Variants in E2F4 observed in about 807,000 individuals in gnomAD.
E2F4 encodes the protein transcription factor E2F4.
A neutral mutation model predicts 44.5 loss-of-function variants in E2F4; 16 were observed. That is an observed-to-expected ratio of 0.36 (90% CI 0.24 to 0.55). The LOEUF is 0.55. Among genes scored for constraint, E2F4 ranks in the 20% least tolerant of loss-of-function variants. The pLI is 0.87. For synonymous variants in E2F4, 242 were observed against 207.2 expected, an observed-to-expected ratio of 1.17 and a Z score of -1.44; for missense variants, 473 against 522.1, an observed-to-expected ratio of 0.91 and a Z score of 0.92.
chr16:67,192,430 C>CG, intron 1 of E2F4, 68 bp downstream of exon 1: 1 of 1,395,758 alleles, frequency 7.2e-7, no homozygotes. Context: ...GCGGGAACCC[C>CG]GGGGGCGGCC....
intron 3 of E2F4, 94 bp from the exon 4 acceptor site, chr16:67,193,378 C>T: frequency 6.5e-7 from 1 of 1,540,786 alleles, no homozygotes; most frequent in Non-Finnish European, 9.0e-7. Context: ...TCTCTGAGGG[C>T]CTGTGTGTCA....
intron 3 of E2F4, 96 bp downstream of exon 3, chr16:67,193,266 G>A: frequency 6.6e-7 from 1 of 1,523,810 alleles, no homozygotes; most frequent in East Asian, 2.4e-5. Context: ...TTGTCTTATA[G>A]CCACTGGCCA....
rs1200290231 is a variant in E2F4 at position 67,198,217 on chromosome 16, G to GA, written c.*95dup. ...CCCACCCGACCCCTACAGAGCTTGAGAGCCACAGACGCCTGGCTTCTCCGG... is the reference window on the plus strand; with the variant it reads ...CCCACCCGACCCCTACAGAGCTTGAGAAGCCACAGACGCCTGGCTTCTCCGG... On this transcript the variant is annotated 3_prime_UTR_variant, in exon 10 of 10. Transcript: ENST00000379378. The GA allele has an allele frequency of 1.3e-5, 15 of 1,133,272 alleles. No individual in the cohort carries two copies. The highest frequency in any genetic ancestry group is 1.2e-4 in the African/African-American group (8 of 65,674). 70.2% of individuals were successfully genotyped at this position (1,133,272 alleles called of 1,614,324 possible). A position where few individuals can be genotyped will look rare whatever the true frequency, so the allele number is the denominator to read the frequency against.
At chr16:67,195,114 C>G in intron 6 of E2F4, 134 bp downstream of exon 6, 1 of 1,167,210 alleles carries the variant, frequency 8.6e-7, no homozygotes, top group Non-Finnish European at 1.2e-6. Flanking sequence ...CCTTCCCTTG[C>G]TATGGTAATG....
At chr16:67,193,423 C>T (rs1468882043) in intron 3 of E2F4, 49 bp from the exon 4 acceptor site, 20 of 1,604,434 alleles carry the variant, frequency 1.2e-5, no homozygotes, top group African/African-American at 2.7e-5. Context: ...TTTCTGTAGT[C>T]TGCCATCTGT....
rs1313197045 is a variant in E2F4 at position 67,198,830 on chromosome 16, T to G, written c.*707T>G. 1 of 341,290 alleles carries G rather than the reference T, an allele frequency of 2.9e-6. No homozygotes were observed. The highest frequency in any genetic ancestry group is 5.4e-6 in the Non-Finnish European group (1 of 185,584). 21.1% of individuals were successfully genotyped at this position (341,290 alleles called of 1,614,324 possible). ...ATTTACAGTAACGAATGGATTCCTA[T>G]ATAAAGATTATTTTTATACTTTTTG... On this transcript the variant is annotated 3_prime_UTR_variant, in exon 10 of 10. Transcript: ENST00000379378.
Position 67,195,984 on chromosome 16 carries a change from C to G in E2F4, c.1011C>G (p.Pro337=). The G allele has an allele frequency of 6.2e-7, 1 of 1,614,180 alleles. No homozygotes were observed. Among genetic ancestry groups the G allele is most frequent in the Admixed American group, 1.7e-5 (1 of 60,024 alleles). The change falls in exon 7 of 10, where the codon CCC becomes CCG. Residue 337 remains proline (P), a synonymous_variant. Transcript: ENST00000379378. ...CCAACCCTTCTACCTCCTTTGAGCC[C>G]ATCAAGGCAGACCCCACAGGTGGTG... ...SGPNPSTSFE[P]IKADPTGVLE... is the part of the protein sequence containing the mutation.
intron 1 of E2F4, 136 bp downstream of exon 1, chr16:67,192,498 G>A: frequency 3.2e-6 from 4 of 1,263,404 alleles, no homozygotes; most frequent in Non-Finnish European, 4.2e-6. Flanking sequence ...GAGAGAAGCC[G>A]GGGGATGTTT....
chr16:67,195,697 C>T, intron 6 of E2F4, 85 bp from the exon 7 acceptor site: 1 of 1,584,544 alleles, frequency 6.3e-7, no homozygotes, highest in Non-Finnish European at 8.6e-7. Context: ...GGCTTGTGGT[C>T]CTCCTGTGTC....
chr16:67,194,691 C>A lies in E2F4; in HGVS notation c.519C>A (p.Leu173=). 2 of 1,611,400 alleles carry A rather than the reference C, an allele frequency of 1.2e-6. No homozygotes were observed. The highest frequency in any genetic ancestry group is 8.5e-7 in the Non-Finnish European group (1 of 1,177,636). Residue 173 remains leucine (L), a synonymous_variant, in exon 6 of 10, where the codon CTC becomes CTA. Coordinates refer to ENST00000379378, the MANE Select transcript of E2F4 (RefSeq NM_001950.4). ...TSLEVPIPEG[L]NGQKKYQIHL... is the part of the protein sequence containing the mutation. ...CCCTTACCACCCATCTCTAGGGTCT[C>A]AATGGGCAGAAGAAGTACCAGATTC...
intron 3 of E2F4, 111 bp downstream of exon 3, chr16:67,193,281 C>G (rs930809958): frequency 2.0e-6 from 3 of 1,520,126 alleles, no homozygotes; most frequent in Admixed American, 3.8e-5. Flanking sequence ...TGGCCATGGC[C>G]CAGCCTCAGG....
rs757259236 is a variant in E2F4 at position 67,194,939 on chromosome 16, C to T, written c.767C>T (p.Ala256Val). 1.2e-6 allele frequency: 2 copies of T among 1,613,982 alleles called. No homozygotes were observed. Among genetic ancestry groups the T allele is most frequent in the Admixed American group, 3.3e-5 (2 of 60,006 alleles). The change falls in exon 6 of 10, where the codon GCA becomes GTA. Residue 256 changes from alanine (A) to valine (V), a missense_variant. Ala to Val is a moderately conservative substitution (Grantham distance 64). This residue lies in a region of E2F4 where 314 missense variants were observed against 315.6 expected (regional missense o/e 0.99). Coordinates refer to ENST00000379378, the MANE Select transcript of E2F4 (RefSeq NM_001950.4). Reference sequence around the variant, plus strand: ...ACTCCCACTGCTGTCCCTGGCAGTGCAGAAGTCCAGGGAATGGCTGGCCCA... The same window carrying T: ...ACTCCCACTGCTGTCCCTGGCAGTGTAGAAGTCCAGGGAATGGCTGGCCCA... ...QLTPTAVPGSAEVQGMAGPAA... is the reference protein window; with the variant it reads ...QLTPTAVPGSVEVQGMAGPAA...
intron 4 of E2F4, 58 bp downstream of exon 4, chr16:67,193,573 C>CACTG: frequency 6.4e-7 from 1 of 1,570,684 alleles, no homozygotes; most frequent in Non-Finnish European, 8.8e-7. Flanking sequence ...AAGTCCTGAG[C>CACTG]ACTGGGCTCA....
chr16:67,195,048 C>G (rs2032946057), intron 6 of E2F4, 68 bp downstream of exon 6: 2 of 1,550,112 alleles, frequency 1.3e-6, no homozygotes, highest in African/African-American at 2.7e-5. Flanking sequence ...GAACACCATG[C>G]TCAGAGTTGG....
Position 67,192,181 on chromosome 16 carries a change from C to T in E2F4, c.-47C>T, listed in dbSNP as rs566908262. 2.5e-6 allele frequency: 3 copies of T among 1,194,718 alleles called. No homozygotes were observed. The highest frequency in any genetic ancestry group is 1.6e-5 in the African/African-American group (1 of 62,900). 74.0% of individuals were successfully genotyped at this position (1,194,718 alleles called of 1,614,324 possible). ...GGAACGGAAGCGGAAGTGGCGGCGG[C>T]GCCGGCCTGGCCTGGCCTGGCTGAG... On this transcript the variant is annotated 5_prime_UTR_variant, in exon 1 of 10. Coordinates refer to ENST00000379378, the MANE Select transcript of E2F4 (RefSeq NM_001950.4).
At chr16:67,197,242 G>A (rs2032983623) in intron 7 of E2F4, among the ~76,000 whole-genome samples, 1 of 152,158 alleles carries the variant, frequency 6.6e-6, no homozygotes, top group Non-Finnish European at 1.5e-5. Context: ...CCTGACCCAG[G>A]GTCTGGTCTC....
Position 67,192,242 on chromosome 16 carries a change from G to A in E2F4, c.15G>A (p.Gly5=). The change falls in exon 1 of 10, where the codon GGG becomes GGA. Residue 5 remains glycine (G), a synonymous_variant. Transcript: ENST00000379378. MAEA[G]PQAPPPPGTP... ...GGGCGGGCGCGATGGCGGAGGCCGG[G>A]CCACAGGCGCCGCCGCCCCCGGGCA... is the stretch of plus-strand genomic sequence containing the variant. 1 of 1,196,926 alleles carries A rather than the reference G, an allele frequency of 8.4e-7. No homozygotes were observed. The allele number at this position is 1,196,926 out of a possible 1,614,324, so 74.1% of individuals were successfully genotyped here. A position where few individuals can be genotyped will look rare whatever the true frequency, so the allele number is the denominator to read the frequency against.
At chr16:67,195,667 C>A in intron 6 of E2F4, 115 bp from the exon 7 acceptor site, 9 of 1,534,896 alleles carry the variant, frequency 5.9e-6, no homozygotes, top group Non-Finnish European at 7.0e-6. Context: ...ATGCCTAATT[C>A]TCCTTGGGTC....
Position 67,197,584 on chromosome 16 carries a change from T to A in E2F4, c.1034-15T>A, listed in dbSNP as rs1464923275. On this transcript the variant is annotated splice_polypyrimidine_tract_variant and intron_variant, in intron 7 of 9. Transcript: ENST00000379378. ...TGGACCTCTGTGCCCTGAGCATGGC[T>A]TTCTTGTTTTTCAGTTTTGGAACTC... The A allele has an allele frequency of 1.2e-5, 20 of 1,613,944 alleles. No individual in the cohort carries two copies. The Admixed American group carries it at 3.3e-4, about 27-fold the overall frequency.
Sources: allele counts gnomAD v4.1 joint callset (sites outside exome capture counted in the v4.1 genomes callset), GRCh38; gene constraint gnomAD v4.1.1; regional missense constraint gnomAD v4.1.1; transcripts MANE v1.5; gene names NCBI Gene and HGNC (gene_info 2026-07-23, HGNC 2026-07-21).